TUSC3: variants seen among roughly 807,000 people sequenced by gnomAD.
The protein encoded by TUSC3 is tumor suppressor candidate 3.
TUSC3 carries 45 observed loss-of-function variants against 44.8 expected under a neutral mutation model. That is an observed-to-expected ratio of 1.00 (90% CI 0.79 to 1.29). The LOEUF (loss-of-function observed/expected upper bound fraction) is 1.29, where lower values mean the gene tolerates loss of function less well. Among genes scored for constraint, TUSC3 ranks in the 50% most tolerant of loss-of-function variants. The pLI, the probability that TUSC3 is intolerant of heterozygous loss-of-function variation, is 0.00. For missense variants in TUSC3, 519 were observed against 437.9 expected (o/e 1.19, Z -1.65); for synonymous variants, 212 against 152.9 (o/e 1.39, Z -2.85).
intron 2 of TUSC3, among the ~76,000 whole-genome samples, chr8:15,627,168 C>A (rs147687402): frequency 1.3e-5 from 2 of 152,172 alleles, no homozygotes; most frequent in Admixed American, 6.5e-5. Context: ...AAGCTGCCCA[C>A]CCCAGGGTCT....
At chr8:15,451,515 G>A (rs1346361066) in intron 1 of TUSC3, among the ~76,000 whole-genome samples, 1 of 152,192 alleles carries the variant, frequency 6.6e-6, no homozygotes, top group Non-Finnish European at 1.5e-5. Flanking sequence ...TCTGCAGGTT[G>A]CTTAACACTT....
chr8:15,686,268 T>A (rs1179335640), intron 6 of TUSC3, among the ~76,000 whole-genome samples: 1 of 152,184 alleles, frequency 6.6e-6, no homozygotes, highest in African/African-American at 2.4e-5. Flanking sequence ...ATAAAGCTTA[T>A]GCGTAGGCTG....
intron 6 of TUSC3, among the ~76,000 whole-genome samples, chr8:15,691,670 T>A (rs1808907860): frequency 6.6e-6 from 1 of 152,238 alleles, no homozygotes; most frequent in Non-Finnish European, 1.5e-5. Context: ...GTTATTTTTT[T>A]GAAATATGTT....
chr8:15,726,573 A>G (rs536006887), intron 6 of TUSC3, among the ~76,000 whole-genome samples: 1 of 152,150 alleles, frequency 6.6e-6, no homozygotes, highest in African/African-American at 2.4e-5. Context: ...TGGGAGGCCA[A>G]ACTGGCCGGA....
intron 5 of TUSC3, among the ~76,000 whole-genome samples, chr8:15,663,610 A>G (rs1015209216): frequency 6.6e-6 from 1 of 151,870 alleles, no homozygotes; most frequent in Admixed American, 6.6e-5. Context: ...TCAAAATACA[A>G]ATTAGATGTT....
chr8:15,457,429 A>G (rs1259260664), intron 1 of TUSC3, among the ~76,000 whole-genome samples: 1 of 151,840 alleles, frequency 6.6e-6, no homozygotes, highest in African/African-American at 2.4e-5. Flanking sequence ...AATCAAGACC[A>G]TGATGCAAAA....
intron 5 of TUSC3, among the ~76,000 whole-genome samples, chr8:15,668,718 G>A (rs1273148875): frequency 6.6e-6 from 1 of 151,724 alleles, no homozygotes; most frequent in Non-Finnish European, 1.5e-5. Flanking sequence ...TGAATTAACT[G>A]CAACAAATAT....
intron 2 of TUSC3, among the ~76,000 whole-genome samples, chr8:15,532,836 A>G (rs1585078425): frequency 6.6e-6 from 1 of 152,216 alleles, no homozygotes; most frequent in Non-Finnish European, 1.5e-5. Context: ...CTTGTTGCCC[A>G]GGCTGGAGTG....
chr8:15,650,875 T>C, intron 3 of TUSC3, 61 bp downstream of exon 3: 1 of 1,539,812 alleles, frequency 6.5e-7, no homozygotes, highest in Non-Finnish European at 9.0e-7. Flanking sequence ...TACATTTTTG[T>C]TTGTCACATA....
At chr8:15,578,287 C>G (rs1319942764) in intron 1 of TUSC3, among the ~76,000 whole-genome samples, 4 of 118,160 alleles carry the variant, frequency 3.4e-5, no homozygotes, top group African/African-American at 1.4e-4. Flanking sequence ...TCCTCTTTTC[C>G]TAATTGAATA....
At chr8:15,513,710 A>G (rs903735789) in intron 2 of TUSC3, among the ~76,000 whole-genome samples, 1 of 152,170 alleles carries the variant, frequency 6.6e-6, no homozygotes, top group Non-Finnish European at 1.5e-5. Flanking sequence ...CTGGGTCTAC[A>G]CACATTTTCG....
At chr8:15,545,023 C>G (rs192884421) in intron 1 of TUSC3, among the ~76,000 whole-genome samples, 42 of 151,886 alleles carry the variant, frequency 2.8e-4, no homozygotes, top group Admixed American at 2.3e-3. Flanking sequence ...TTACATGTTA[C>G]ATACGTATTA....
intron 1 of TUSC3, among the ~76,000 whole-genome samples, chr8:15,553,300 T>TA (rs1259678386): frequency 2.6e-5 from 4 of 151,682 alleles, no homozygotes; most frequent in Non-Finnish European, 5.9e-5. Flanking sequence ...GCACTTACAG[T>TA]AAAAAATAGA....
At chr8:15,539,230 G>A (rs1300077498), upstream of TUSC3, among the ~76,000 whole-genome samples, 1 of 151,538 alleles carries the variant, frequency 6.6e-6, no homozygotes, top group Non-Finnish European at 1.5e-5. Context: ...CATTACCAAA[G>A]GTGTTCATGG....
chr8:15,498,344 GTGCAAAAGC>G (rs1800911394), intron 2 of TUSC3, among the ~76,000 whole-genome samples: 1 of 152,328 alleles, frequency 6.6e-6, no homozygotes, highest in African/African-American at 2.4e-5. Flanking sequence ...TAGGAAGCAA[GTGCAAAAGC>G]TGAAAGTGAA....
chr8:15,419,713 G>A (rs1291486073), intron 1 of TUSC3, among the ~76,000 whole-genome samples: 6 of 152,140 alleles, frequency 3.9e-5, no homozygotes, highest in Non-Finnish European at 5.9e-5. Flanking sequence ...GTATCTCTAT[G>A]ACTTTATACA....
At chr8:15,623,339 A>T in intron 2 of TUSC3, 90 bp downstream of exon 2, 1 of 1,297,588 alleles carries the variant, frequency 7.7e-7, no homozygotes, top group East Asian at 2.6e-5. Flanking sequence ...TATATGTAAG[A>T]TAAACAGTTG....
intron 1 of TUSC3, among the ~76,000 whole-genome samples, chr8:15,480,935 TC>T (rs1266722717): frequency 2.0e-5 from 3 of 152,166 alleles, no homozygotes; most frequent in Non-Finnish European, 2.9e-5. Context: ...GGAAACTTAA[TC>T]ACCTTTGCAA....
chr8:15,648,424 A>C (rs540806963), intron 2 of TUSC3, among the ~76,000 whole-genome samples: 1 of 152,212 alleles, frequency 6.6e-6, no homozygotes, highest in East Asian at 1.9e-4. Context: ...TGCAGTGACA[A>C]GCCTTAAAGA....
Sources: gnomAD v4.1 joint callset for allele counts (sites outside exome capture counted in the v4.1 genomes callset) on GRCh38, gnomAD v4.1.1 for gene constraint, MANE v1.5 for transcripts, NCBI Gene and HGNC (gene_info 2026-07-23, HGNC 2026-07-21) for gene names.